The following DNAH12 variants were observed in gnomAD, a reference collection of about 807,000 sequenced individuals.
DNAH12 encodes the protein axonemal beta dynein heavy chain 12.
A neutral mutation model predicts 371.5 loss-of-function variants in DNAH12; 285 were observed. The ratio of observed to expected loss-of-function variants is 0.77; its 90% CI spans 0.70 to 0.85. The LOEUF (loss-of-function observed/expected upper bound fraction) is 0.85. Ranked by LOEUF, DNAH12 falls within the 40% of genes least tolerant of loss-of-function variation. The pLI is 0.00. For missense variants in DNAH12, 3,611 were observed against 3,689.4 expected (o/e 0.98, Z 0.55); for synonymous variants, 1,200 against 1,213.0 (o/e 0.99, Z 0.22).
intron 62 of DNAH12, among the ~76,000 whole-genome samples, chr3:57,324,809 T>C (rs1219135065): frequency 6.6e-6 from 1 of 152,184 alleles, no homozygotes; most frequent in Non-Finnish European, 1.5e-5. Flanking sequence ...GGGAGTTCCC[T>C]TTCCTAGTCA....
intron 69 of DNAH12, among the ~76,000 whole-genome samples, chr3:57,308,840 CCATTT>C (rs1244090557): frequency 3.9e-5 from 6 of 152,116 alleles, no homozygotes; most frequent in Non-Finnish European, 8.8e-5. Context: ...TTCTCTTATT[CCATTT>C]AATTTTTTAA....
intron 43 of DNAH12, among the ~76,000 whole-genome samples, chr3:57,397,996 A>T (rs1053554261): frequency 6.6e-6 from 1 of 152,230 alleles, no homozygotes; most frequent in Non-Finnish European, 1.5e-5. Context: ...CAAAAAATTT[A>T]AAATAACTAC....
At chr3:57,548,799 A>T (rs963854841), upstream of DNAH12, 10 of 152,230 alleles carry the variant, frequency 6.6e-5, no homozygotes, top group Non-Finnish European at 2.9e-5. Flanking sequence ...ACAGTTATTC[A>T]TTTAGCCAAA....
chr3:57,532,590 G>T (rs905415977), intron 2 of DNAH12, among the ~76,000 whole-genome samples: 2 of 152,330 alleles, frequency 1.3e-5, no homozygotes, highest in Non-Finnish European at 2.9e-5. Context: ...ACTCATAGAA[G>T]TATCACCTTG....
Position 57,458,016 on chromosome 3 carries a change from A to C in DNAH12, c.3054-13T>G, listed in dbSNP as rs1200023395. ...TAAGAAGAAAAAACTAGGGAAAAAC[A>C]TGCAAATACAAAAGTTTTAGTTATA... On this transcript the variant is annotated splice_polypyrimidine_tract_variant and intron_variant, in intron 21 of 73. Coordinates refer to ENST00000495027, the MANE Select transcript of DNAH12 (RefSeq NM_001366028.2). 1 of 1,542,382 alleles carries C rather than the reference A, an allele frequency of 6.5e-7. No individual in the cohort carries two copies. The highest frequency in any genetic ancestry group is 8.7e-7 in the Non-Finnish European group (1 of 1,142,904).
intron 4 of DNAH12, chr3:57,520,077 G>GAGCCGCCCGT (rs2068360169): frequency 6.9e-6 from 4 of 581,298 alleles, no homozygotes; most frequent in Non-Finnish European, 3.1e-6. Context: ...CGGCTCTGTG[G>GAGCCGCCCGT]CTACAGCGTT....
chr3:57,520,885 A>G (rs953204296), intron 4 of DNAH12, among the ~76,000 whole-genome samples: 1 of 151,864 alleles, frequency 6.6e-6, no homozygotes, highest in South Asian at 2.1e-4. Flanking sequence ...TCCTCTTAAC[A>G]GGGTCTTTCA....
At chr3:57,545,717 C>T (rs748758137), upstream of DNAH12, among the ~76,000 whole-genome samples, 6 of 152,030 alleles carry the variant, frequency 3.9e-5, no homozygotes, top group African/African-American at 9.6e-5. Flanking sequence ...AAAATTCAAG[C>T]GGCAGGCACC....
chr3:57,430,519 T>C (rs1434245604), intron 32 of DNAH12, among the ~76,000 whole-genome samples: 1 of 152,208 alleles, frequency 6.6e-6, no homozygotes, highest in African/African-American at 2.4e-5. Context: ...ATCTAAAACA[T>C]TTCTTCTTTT....
intron 13 of DNAH12, among the ~76,000 whole-genome samples, chr3:57,481,769 T>C (rs2066750709): frequency 1.3e-5 from 2 of 151,902 alleles, no homozygotes; most frequent in African/African-American, 2.4e-5. Context: ...TAATGCCGCA[T>C]ATCTACAACC....
intron 2 of DNAH12, among the ~76,000 whole-genome samples, chr3:57,540,530 T>C (rs892396333): frequency 6.6e-6 from 1 of 152,094 alleles, no homozygotes; most frequent in Admixed American, 6.5e-5. Context: ...GACAGTGCAG[T>C]GAGGGAAATT....
intron 2 of DNAH12, among the ~76,000 whole-genome samples, chr3:57,540,272 TAC>T (rs2069222731): frequency 6.6e-6 from 1 of 151,968 alleles, no homozygotes; most frequent in Non-Finnish European, 1.5e-5. Flanking sequence ...GTTGGCCTCG[TAC>T]TCCTGACCTC....
intron 38 of DNAH12, 56 bp downstream of exon 38, chr3:57,415,370 G>GAGCA: frequency 6.6e-7 from 1 of 1,526,546 alleles, no homozygotes; most frequent in Non-Finnish European, 8.8e-7. Flanking sequence ...TTTAAACACT[G>GAGCA]AGCAAATAAG....
chr3:57,474,636 T>C (rs1452160442), intron 13 of DNAH12, among the ~76,000 whole-genome samples: 1 of 151,754 alleles, frequency 6.6e-6, no homozygotes, highest in Non-Finnish European at 1.5e-5. Context: ...AAAAGAAAAA[T>C]TGAGCAATGG....
At chr3:57,412,419 A>T (rs1553683330) in intron 39 of DNAH12, among the ~76,000 whole-genome samples, 1 of 152,192 alleles carries the variant, frequency 6.6e-6, no homozygotes, top group African/African-American at 2.4e-5. Context: ...CAGACACAAC[A>T]CCAACAGATT....
Position 57,408,366 on chromosome 3 carries a change from A to T in DNAH12, c.6190T>A (p.Ser2064Thr). ...GTTCTAAGGTAGAATGCTACAATAGATGAGAAGATTCGGACCATAGTTTCA... is the reference window on the plus strand; with the variant it reads ...GTTCTAAGGTAGAATGCTACAATAGTTGAGAAGATTCGGACCATAGTTTCA... ...SDETMVRIFS[S>T]IVAFYLRTHE... Residue 2064 changes from serine to threonine, a missense_variant, in exon 40 of 74, where the codon TCT (serine) becomes ACT (threonine). By Grantham distance (58) the Ser-to-Thr change is moderately conservative. Around this residue, in one of 3 missense-constraint regions of DNAH12, gnomAD observed 2,266 missense variants for 2,236.9 expected, o/e 1.01. Coordinates refer to ENST00000495027, the MANE Select transcript of DNAH12 (RefSeq NM_001366028.2). 6.4e-7 allele frequency: 1 copy of T among 1,551,644 alleles called. No homozygotes were observed. Among genetic ancestry groups the T allele is most frequent in the Non-Finnish European group, 8.7e-7 (1 of 1,146,932 alleles).
intron 69 of DNAH12, among the ~76,000 whole-genome samples, chr3:57,306,147 G>T (rs946391514): frequency 6.6e-6 from 1 of 152,128 alleles, no homozygotes; most frequent in African/African-American, 2.4e-5. Flanking sequence ...CCGCTTAGCG[G>T]CTGAAGACTG....
intron 60 of DNAH12, among the ~76,000 whole-genome samples, chr3:57,348,811 A>G (rs1457640922): frequency 6.6e-6 from 1 of 152,224 alleles, no homozygotes; most frequent in African/African-American, 2.4e-5. Flanking sequence ...TTACAGTTCC[A>G]ATGCACTCCT....
intron 9 of DNAH12, among the ~76,000 whole-genome samples, chr3:57,502,695 G>A (rs1206321473): frequency 3.3e-5 from 5 of 152,038 alleles, no homozygotes; most frequent in Admixed American, 6.6e-5. Flanking sequence ...GATTACAGGC[G>A]CACGCCACCA....
Sources: allele counts gnomAD v4.1 joint callset (sites outside exome capture counted in the v4.1 genomes callset), GRCh38; gene constraint gnomAD v4.1.1; regional missense constraint gnomAD v4.1.1; transcripts MANE v1.5; gene names NCBI Gene and HGNC (gene_info 2026-07-23, HGNC 2026-07-21).